The following SIL1 variants were observed in gnomAD, a reference collection of about 807,000 sequenced individuals.
SIL1 encodes SIL1 nucleotide exchange factor, also known as nucleotide exchange factor SIL1.
SIL1 carries 40 observed loss-of-function variants against 49.1 expected under a neutral mutation model. The ratio of observed to expected loss-of-function variants is 0.81; its 90% confidence interval spans 0.63 to 1.06. The LOEUF (loss-of-function observed/expected upper bound fraction) is 1.06. SIL1 is among the 50% of genes least tolerant of loss of function. The probability of loss-of-function intolerance (pLI) is 0.00; values close to 1 mark genes in which losing one functional copy is unlikely to be tolerated. For synonymous variants in SIL1, 253 were observed against 250.8 expected, an observed-to-expected ratio of 1.01 and a Z score of -0.08; for missense variants, 500 against 572.6, an observed-to-expected ratio of 0.87 and a Z score of 1.29.
At chr5:139,085,298 G>A (rs947825567) in intron 3 of SIL1, among the ~76,000 whole-genome samples, 1 of 152,124 alleles carries the variant, frequency 6.6e-6, no homozygotes, top group African/African-American at 2.4e-5. Flanking sequence ...GAGGTCGTGG[G>A]GCCTCACAGT....
At chr5:139,036,102 T>C (rs1219530899) in intron 5 of SIL1, 1 of 152,186 alleles carries the variant, frequency 6.6e-6, no homozygotes, top group Non-Finnish European at 1.5e-5. Context: ...TTTTCTCCCA[T>C]TCTGTAGGTT....
At chr5:138,967,481 G>A (rs1767169739) in intron 7 of SIL1, among the ~76,000 whole-genome samples, 2 of 152,220 alleles carry the variant, frequency 1.3e-5, no homozygotes, top group Admixed American at 1.3e-4. Flanking sequence ...CAGGCCGTGA[G>A]GGCCACTGCC....
chr5:139,097,241 G>T (rs150637825), intron 3 of SIL1, among the ~76,000 whole-genome samples: 3 of 151,904 alleles, frequency 2.0e-5, no homozygotes, highest in Non-Finnish European at 4.4e-5. Context: ...GCGAGGTGCC[G>T]TCTGGGAATG....
intron 7 of SIL1, among the ~76,000 whole-genome samples, chr5:138,987,548 T>C (rs534568722): frequency 1.3e-5 from 2 of 152,262 alleles, no homozygotes; most frequent in African/African-American, 4.8e-5. Context: ...CTCTAGAAGT[T>C]TTCAGCTGGC....
intron 7 of SIL1, among the ~76,000 whole-genome samples, chr5:138,994,879 A>G (rs906562543): frequency 3.0e-4 from 46 of 152,214 alleles, no homozygotes; most frequent in African/African-American, 1.1e-3. Context: ...CCACCCCAAC[A>G]GGTTCCAGTG....
intron 3 of SIL1, among the ~76,000 whole-genome samples, chr5:139,093,521 C>A (rs146914532): frequency 2.0e-5 from 3 of 152,154 alleles, no homozygotes; most frequent in Non-Finnish European, 4.4e-5. Flanking sequence ...CTGGCCATTG[C>A]GCTGAGGATA....
chr5:139,078,134 C>CTCA (rs1400877329), intron 3 of SIL1, among the ~76,000 whole-genome samples: 2 of 152,134 alleles, frequency 1.3e-5, no homozygotes, highest in Non-Finnish European at 2.9e-5. Context: ...TTTGACCAAT[C>CTCA]TCACCTTGCC....
chr5:139,132,285 G>T (rs752796195), intron 1 of SIL1, among the ~76,000 whole-genome samples: 21 of 152,224 alleles, frequency 1.4e-4, no homozygotes, highest in Non-Finnish European at 1.6e-4. Flanking sequence ...ACTCCTTGGA[G>T]TGGGAAGAGG....
At chr5:139,056,057 A>C (rs1322464492) in intron 3 of SIL1, among the ~76,000 whole-genome samples, 5 of 151,506 alleles carry the variant, frequency 3.3e-5, no homozygotes, top group South Asian at 4.2e-4. Flanking sequence ...TTGGCCTCCC[A>C]AAGTGCCGAG....
Position 139,005,408 on chromosome 5 carries a change from T to C in SIL1, c.767+15763A>G, listed in dbSNP as rs537265255. Among the ~76,000 whole-genome samples, 5 of 151,456 alleles carry C rather than the reference T, an allele frequency of 3.3e-5. No individual in the cohort carries two copies. The South Asian group carries it at 1.0e-3, about 31-fold the overall frequency. On this transcript the variant is annotated intron_variant, in intron 7 of 9. Coordinates refer to ENST00000394817, the MANE Select transcript of SIL1 (RefSeq NM_022464.5). Reference sequence around the variant, plus strand: ...TCTGTTTTCTGTGAATTTTACTACCTATAATTTTTTAAATTTTTATTTATT... The same window carrying C: ...TCTGTTTTCTGTGAATTTTACTACCCATAATTTTTTAAATTTTTATTTATT...
At chr5:139,060,970 G>T (rs1338315435) in intron 3 of SIL1, among the ~76,000 whole-genome samples, 2 of 152,162 alleles carry the variant, frequency 1.3e-5, no homozygotes, top group African/African-American at 4.8e-5. Context: ...GCCCACAGGA[G>T]GCAGGAGGCA....
intron 7 of SIL1, among the ~76,000 whole-genome samples, chr5:139,007,731 G>A (rs1224549201): frequency 7.1e-6 from 1 of 140,196 alleles, no homozygotes; most frequent in Non-Finnish European, 1.5e-5. Context: ...TGTGGTTTTT[G>A]TCTTTGGCTC....
chr5:139,179,068 A>G (rs2151818747), intron 1 of SIL1, among the ~76,000 whole-genome samples: 1 of 152,332 alleles, frequency 6.6e-6, no homozygotes. Flanking sequence ...GGTGGTAGCC[A>G]TAGTGATAAG....
chr5:139,056,728 G>A (rs1451666055), intron 3 of SIL1, among the ~76,000 whole-genome samples: 3 of 146,182 alleles, frequency 2.1e-5, no homozygotes, highest in Non-Finnish European at 4.5e-5. Context: ...CAGCCGCCCC[G>A]CCCGGGAGGT....
At chr5:138,961,103 C>A (rs1195886539) in intron 7 of SIL1, among the ~76,000 whole-genome samples, 1 of 152,316 alleles carries the variant, frequency 6.6e-6, no homozygotes. Context: ...ATGGAACCCA[C>A]ACTAACTCTA....
intron 3 of SIL1, among the ~76,000 whole-genome samples, chr5:139,069,888 C>A (rs1198442741): frequency 6.6e-6 from 1 of 152,028 alleles, no homozygotes; most frequent in East Asian, 1.9e-4. Context: ...GATTTTATAT[C>A]CTACCAAAGT....
At chr5:139,090,220 A>G (rs934933290) in intron 3 of SIL1, among the ~76,000 whole-genome samples, 2 of 152,122 alleles carry the variant, frequency 1.3e-5, no homozygotes, top group Non-Finnish European at 2.9e-5. Context: ...CCTCAGTCCT[A>G]AAGTAAGTAT....
chr5:138,989,051 T>C lies in SIL1; in HGVS notation c.767+32120A>G, dbSNP rs568885486. On this transcript the variant is annotated intron_variant, in intron 7 of 9. Transcript: ENST00000394817. ...GTTGCCTTGAGGCAGGGAAGCAGGGTAGCAAAGGGACACGGTGGAAGGACA... is the reference window on the plus strand; with the variant it reads ...GTTGCCTTGAGGCAGGGAAGCAGGGCAGCAAAGGGACACGGTGGAAGGACA... Among the ~76,000 whole-genome samples, 27 of 152,242 alleles carry C rather than the reference T, an allele frequency of 1.8e-4. 1 individual carries two copies. The highest frequency in any genetic ancestry group is 3.3e-4 in the Admixed American group (5 of 15,286).
chr5:139,094,113 G>A (rs1770402849), intron 3 of SIL1, among the ~76,000 whole-genome samples: 1 of 152,162 alleles, frequency 6.6e-6, no homozygotes, highest in Admixed American at 6.5e-5. Flanking sequence ...TCGTGTTTCT[G>A]TACAACCCAC....
Sources: allele counts gnomAD v4.1 joint callset (sites outside exome capture counted in the v4.1 genomes callset), GRCh38; gene constraint gnomAD v4.1.1; transcripts MANE v1.5; gene names NCBI Gene and HGNC (gene_info 2026-07-23, HGNC 2026-07-21).